The following ZNF554 variants were observed in gnomAD, a reference collection of about 807,000 sequenced individuals.
ZNF554 encodes the protein zinc finger protein 554.
ZNF554 carries 15 observed loss-of-function variants against 21.2 expected under a neutral mutation model. That is an observed-to-expected ratio of 0.71 (90% CI 0.47 to 1.09). The LOEUF (loss-of-function observed/expected upper bound fraction) is 1.09, where lower values mean the gene tolerates loss of function less well. Ranked by LOEUF, ZNF554 falls within the 50% of genes least tolerant of loss-of-function variation. The pLI is 0.00. For missense variants in ZNF554, 691 were observed against 662.7 expected (o/e 1.04, Z -0.47); for synonymous variants, 258 against 251.4 (o/e 1.03, Z -0.25).
At chr19:2,827,845 A>T in intron 3 of ZNF554, 102 bp downstream of exon 3, 1 of 1,424,966 alleles carries the variant, frequency 7.0e-7, no homozygotes, top group Non-Finnish European at 9.6e-7. Context: ...AGACTGGGTA[A>T]TTTGTAAAGG....
chr19:2,820,028 C>T lies in ZNF554; in HGVS notation c.-44C>T. ...GAGGCCGGCCGGCCTGCACGGGGCGCTCCCGCCTCGGGGGCCCTGTCTGGC... is the reference window on the plus strand; with the variant it reads ...GAGGCCGGCCGGCCTGCACGGGGCGTTCCCGCCTCGGGGGCCCTGTCTGGC... On this transcript the variant is annotated 5_prime_UTR_variant, in exon 1 of 5. Transcript: ENST00000317243. 8.4e-7 allele frequency: 1 copy of T among 1,196,790 alleles called. No homozygotes were observed. The highest frequency in any genetic ancestry group is 1.0e-6 in the Non-Finnish European group (1 of 964,640). 74.1% of individuals were successfully genotyped at this position (1,196,790 alleles called of 1,614,324 possible).
At chr19:2,822,242 G>A (rs1198371633) in intron 1 of ZNF554, among the ~76,000 whole-genome samples, 3 of 151,588 alleles carry the variant, frequency 2.0e-5, no homozygotes, top group African/African-American at 7.3e-5. Flanking sequence ...TAGTAGACGA[G>A]GTTTCACCAT....
rs1182295995 is a variant in ZNF554, at chr19:2,833,957, G to C, written c.722G>C (p.Gly241Ala). 1.2e-6 allele frequency: 2 copies of C among 1,613,968 alleles called. No individual in the cohort carries two copies. Among genetic ancestry groups the C allele is most frequent in the African/African-American group, 2.7e-5 (2 of 74,912 alleles). The change falls in exon 5 of 5, where the codon GGG becomes GCG. Residue 241 changes from glycine (G) to alanine (A), a missense_variant. Coordinates refer to ENST00000317243, the MANE Select transcript of ZNF554 (RefSeq NM_001102651.2). ...ALVLSQGSSKGNHLCGSELDI... is the reference protein window; with the variant it reads ...ALVLSQGSSKANHLCGSELDI... ...GTTTTATCACAGGGAAGCTCTAAAG[G>C]GAACCACTTGTGTGGCAGCGAGTTA...
Position 2,836,645 on chromosome 19 carries a change from G to A in ZNF554, c.*1793G>A, listed in dbSNP as rs181759112. The stretch of plus-strand genomic sequence containing the variant: ...TATGTGTGATTTTGTGTTTTCTGCC[G>A]TTTCATTTTGTATTGCCATAATCAT... On this transcript the variant is annotated 3_prime_UTR_variant, in exon 5 of 5. Coordinates refer to ENST00000317243, the MANE Select transcript of ZNF554 (RefSeq NM_001102651.2). Among the ~76,000 whole-genome samples the A allele has an allele frequency of 4.6e-5, 7 of 152,272 alleles. No homozygotes were observed. The highest frequency in any genetic ancestry group is 2.1e-4 in the South Asian group (1 of 4,828).
chr19:2,822,824 T>C (rs527873924), intron 1 of ZNF554, among the ~76,000 whole-genome samples: 38 of 152,302 alleles, frequency 2.5e-4, no homozygotes, highest in African/African-American at 8.9e-4. Context: ...AGATGAGCTA[T>C]GATTGCACCA....
At position 2,828,524 on chromosome 19, in the gene ZNF554, A is replaced by G. The variant is rs559257322; in HGVS notation, c.253+781A>G. On this transcript the variant is annotated intron_variant, in intron 3 of 4. Coordinates refer to ENST00000317243, the MANE Select transcript of ZNF554 (RefSeq NM_001102651.2). ...GCCACTGTGGTGAAACCCTGTCTCT[A>G]CTAAAAATGGCGGGCACCTGTAATC... Among the ~76,000 whole-genome samples the G allele has an allele frequency of 5.3e-5, 8 of 152,178 alleles. No individual in the cohort carries two copies. In the East Asian group the frequency reaches 9.7e-4, roughly 18 times the overall value.
chr19:2,829,025 G>A lies in ZNF554; in HGVS notation c.253+1282G>A, dbSNP rs73526326. Among the ~76,000 whole-genome samples, 807 of 151,946 alleles carry A rather than the reference G, an allele frequency of 5.3e-3. 7 individuals are homozygous for A. Among genetic ancestry groups the A allele is most frequent in the African/African-American group, 0.018 (760 of 41,400 alleles). ...GAGCATTTGTACTCTTTCTGCCAAG[G>A]TAAAGAGCCATCATTAAAAAAAAAA... On this transcript the variant is annotated intron_variant, in intron 3 of 4. Transcript: ENST00000317243.
chr19:2,830,612 T>G (rs2087401749), intron 3 of ZNF554: 1 of 152,222 alleles, frequency 6.6e-6, no homozygotes, highest in Non-Finnish European at 1.5e-5. Context: ...TTTTTTTGTT[T>G]TGAGACAGAG....
chr19:2,827,572 G>A (rs774793128), intron 2 of ZNF554, 45 bp from the exon 3 acceptor site: 10 of 1,582,702 alleles, frequency 6.3e-6, no homozygotes, highest in South Asian at 1.1e-5. Flanking sequence ...CATGAACGTG[G>A]GTGGCGATGG....
intron 1 of ZNF554, among the ~76,000 whole-genome samples, chr19:2,820,684 C>CATTTTTTTTTTTTTTTTTTTTT (rs2087250423): frequency 1.9e-5 from 2 of 103,192 alleles, no homozygotes; most frequent in Non-Finnish European, 4.0e-5. Context: ...AGCAAGGGTC[C>CATTTTTTTTTTTTTTTTTTTTT]TTTTTTTTTT....
Position 2,833,708 on chromosome 19 carries a change from ACT to A in ZNF554, c.475_476del (p.Ser159AsnfsTer35). On this transcript the variant is annotated frameshift_variant, in exon 5 of 5. Transcript: ENST00000317243. LOFTEE classifies it low-confidence loss of function (END_TRUNC). Reference sequence around the variant, plus strand: ...TGGATGACTGTACTAAGAAACCAAGACTCAACTTACAAGAAGGTGGCTTTGCA... The same window carrying A: ...TGGATGACTGTACTAAGAAACCAAGACAACTTACAAGAAGGTGGCTTTGCA... 3.3e-6 allele frequency: 5 copies of A among 1,533,740 alleles called. No homozygotes were observed. Among genetic ancestry groups the A allele is most frequent in the Non-Finnish European group, 4.4e-6 (5 of 1,141,476 alleles).
intron 2 of ZNF554, among the ~76,000 whole-genome samples, chr19:2,825,074 G>A (rs1173984193): frequency 7.0e-6 from 1 of 143,036 alleles, no homozygotes; most frequent in East Asian, 2.1e-4. Flanking sequence ...GTGCAGTGGC[G>A]CGATCTTGGC....
rs1323095386 is a variant in ZNF554 at position 2,834,542 on chromosome 19, A to G, written c.1307A>G (p.Tyr436Cys). 6.2e-7 allele frequency: 1 copy of G among 1,614,158 alleles called. No individual in the cohort carries two copies. Among genetic ancestry groups the G allele is most frequent in the Non-Finnish European group, 8.5e-7 (1 of 1,180,026 alleles). ...HKRTHTGEKP[Y>C]ECSECGKAFS... is the part of the protein sequence containing the mutation. ...AGGACACACACCGGAGAGAAGCCCT[A>G]CGAATGCAGTGAATGTGGAAAGGCC... is the stretch of plus-strand genomic sequence containing the variant. The change falls in exon 5 of 5, where the codon TAC becomes TGC. Residue 436 changes from tyrosine to cysteine, a missense_variant. Coordinates refer to ENST00000317243, the MANE Select transcript of ZNF554 (RefSeq NM_001102651.2).
intron 4 of ZNF554, 69 bp downstream of exon 4, chr19:2,832,563 C>A: frequency 1.4e-6 from 2 of 1,456,106 alleles, no homozygotes; most frequent in Non-Finnish European, 1.8e-6. Flanking sequence ...TCAGAGAGCT[C>A]TTCACAAGGC....
intron 3 of ZNF554, among the ~76,000 whole-genome samples, chr19:2,828,486 C>G (rs1439600064): frequency 6.6e-6 from 1 of 152,042 alleles, no homozygotes; most frequent in East Asian, 1.9e-4. Flanking sequence ...GTCAGGAGTT[C>G]AAGACCAGCC....
chr19:2,829,432 C>T (rs2087382254), intron 3 of ZNF554, among the ~76,000 whole-genome samples: 1 of 151,828 alleles, frequency 6.6e-6, no homozygotes, highest in Non-Finnish European at 1.5e-5. Flanking sequence ...GGTAGATCAC[C>T]TGAGAGACCA....
In ZNF554 at chr19:2,833,912, G is replaced by A. The variant is rs766068785; in HGVS notation, c.677G>A (p.Gly226Asp). Residue 226 changes from glycine to aspartate, a missense_variant, in exon 5 of 5, where the codon GGT (glycine) becomes GAT (aspartate). Transcript: ENST00000317243. ...ATAWHGFGENGNLSPALVLSQ... is the reference protein window; with the variant it reads ...ATAWHGFGENDNLSPALVLSQ... ...GCATGGCATGGATTTGGGGAAAATG[G>A]TAATCTGAGCCCAGCCCTTGTTTTA... 6.2e-7 allele frequency: 1 copy of A among 1,614,010 alleles called. No individual in the cohort carries two copies. The highest frequency in any genetic ancestry group is 2.2e-5 in the East Asian group (1 of 44,888).
chr19:2,827,031 T>C (rs1348241583), intron 2 of ZNF554, among the ~76,000 whole-genome samples: 1 of 152,212 alleles, frequency 6.6e-6, no homozygotes, highest in African/African-American at 2.4e-5. Flanking sequence ...CAAAGAGAAC[T>C]AATCTCTAAT....
At chr19:2,828,836 C>A (rs772295849) in intron 3 of ZNF554, among the ~76,000 whole-genome samples, 34 of 151,962 alleles carry the variant, frequency 2.2e-4, no homozygotes, top group Non-Finnish European at 4.3e-4. Context: ...CTTATAAAAC[C>A]ATCAGATCTC....
Sources: gnomAD v4.1 joint callset for allele counts (sites outside exome capture counted in the v4.1 genomes callset) on GRCh38, gnomAD v4.1.1 for gene constraint, MANE v1.5 for transcripts, NCBI Gene and HGNC (gene_info 2026-07-23, HGNC 2026-07-21) for gene names.